TMEM132D: variants seen among roughly 807,000 people sequenced by gnomAD.
The protein encoded by TMEM132D is mature OL transmembrane protein.
A neutral mutation model predicts 62.3 loss-of-function variants in TMEM132D; 21 were observed. The observed-to-expected ratio is 0.34, with a 90% CI of 0.24 to 0.49. TMEM132D has a LOEUF of 0.49. TMEM132D is among the 20% of genes least tolerant of loss of function. The pLI is 0.99. For synonymous variants in TMEM132D, 621 were observed against 575.6 expected (o/e 1.08, Z -1.13); for missense variants, 1,346 against 1,402.8 (o/e 0.96, Z 0.65).
chr12:129,363,368 T>G (rs1870310915), intron 3 of TMEM132D, among the ~76,000 whole-genome samples: 1 of 152,210 alleles, frequency 6.6e-6, no homozygotes. Context: ...CCATTTTCCT[T>G]ATGTAGCCAC....
At chr12:129,782,795 A>T (rs1762009124) in intron 1 of TMEM132D, among the ~76,000 whole-genome samples, 1 of 152,250 alleles carries the variant, frequency 6.6e-6, no homozygotes, top group South Asian at 2.1e-4. Context: ...CAGGTAAGTC[A>T]CACAGGTGTA....
At chr12:129,566,530 G>C (rs1338500543) in intron 2 of TMEM132D, among the ~76,000 whole-genome samples, 1 of 152,152 alleles carries the variant, frequency 6.6e-6, no homozygotes, top group Non-Finnish European at 1.5e-5. Context: ...CTGTAAGACT[G>C]ACAAAACAGA....
At chr12:129,562,351 G>C (rs986326) in intron 2 of TMEM132D, among the ~76,000 whole-genome samples, 1 of 152,134 alleles carries the variant, frequency 6.6e-6, no homozygotes, top group Non-Finnish European at 1.5e-5. Flanking sequence ...TGCAGACCAA[G>C]TTACCCAGCT....
At chr12:129,612,723 C>T (rs1479083447) in intron 2 of TMEM132D, among the ~76,000 whole-genome samples, 1 of 51,328 alleles carries the variant, frequency 1.9e-5, no homozygotes, top group African/African-American at 4.6e-5. Flanking sequence ...GTTAATTTGG[C>T]CCCAGGCAAC....
chr12:129,294,068 T>C (rs893623610), intron 4 of TMEM132D, among the ~76,000 whole-genome samples: 1 of 152,232 alleles, frequency 6.6e-6, no homozygotes, highest in African/African-American at 2.4e-5. Flanking sequence ...TATAAAACTA[T>C]TTATCTTGCA....
intron 3 of TMEM132D, among the ~76,000 whole-genome samples, chr12:129,482,540 G>A (rs1250812332): frequency 6.6e-6 from 1 of 152,176 alleles, no homozygotes; most frequent in African/African-American, 2.4e-5. Context: ...ATATTAGGAA[G>A]GTGGGATGAG....
chr12:129,077,734 G>GCAATGCATA (rs1874316996), intron 8 of TMEM132D, among the ~76,000 whole-genome samples: 1 of 151,730 alleles, frequency 6.6e-6, no homozygotes, highest in Non-Finnish European at 1.5e-5. Flanking sequence ...ATAGACACAT[G>GCAATGCATA]CAATGCATAC....
At chr12:129,569,325 G>T (rs1877450021) in intron 2 of TMEM132D, among the ~76,000 whole-genome samples, 1 of 152,054 alleles carries the variant, frequency 6.6e-6, no homozygotes, top group African/African-American at 2.4e-5. Context: ...GGTAAACTTG[G>T]ATATCTGGGG....
At chr12:129,711,404 C>A (rs938985669) in intron 1 of TMEM132D, among the ~76,000 whole-genome samples, 1 of 152,196 alleles carries the variant, frequency 6.6e-6, no homozygotes, top group Non-Finnish European at 1.5e-5. Context: ...AAGCACTCAG[C>A]CTGCTCAAAT....
Position 129,366,272 on chromosome 12 carries a change from G to T in TMEM132D, c.1116-28455C>A, listed in dbSNP as rs571657246. Among the ~76,000 whole-genome samples the T allele has an allele frequency of 2.6e-5, 4 of 152,302 alleles. No individual in the cohort carries two copies. The East Asian group carries it at 7.7e-4, about 29-fold the overall frequency. On this transcript the variant is annotated intron_variant, in intron 3 of 8. Coordinates refer to ENST00000422113, the MANE Select transcript of TMEM132D (RefSeq NM_133448.3). ...CTTCAATGTTGGAGGTGGGTCTGGT[G>T]AGAGGTGATTGGATCATAGGGGTGG...
intron 5 of TMEM132D, among the ~76,000 whole-genome samples, chr12:129,205,590 A>G (rs1878822125): frequency 6.6e-6 from 1 of 152,178 alleles, no homozygotes; most frequent in African/African-American, 2.4e-5. Flanking sequence ...TCCCATTGAC[A>G]GTATTAGACA....
At chr12:129,086,703 CTT>C (rs1491323473) in intron 5 of TMEM132D, among the ~76,000 whole-genome samples, 30 of 147,962 alleles carry the variant, frequency 2.0e-4, no homozygotes, top group Middle Eastern at 3.6e-3. Context: ...TATATACAAA[CTT>C]ATATATACAA....
At chr12:129,628,140 A>C (rs535369115) in intron 2 of TMEM132D, among the ~76,000 whole-genome samples, 2 of 151,996 alleles carry the variant, frequency 1.3e-5, no homozygotes, top group African/African-American at 4.9e-5. Context: ...AATGAGAGAA[A>C]ATTTCAATAA....
At chr12:129,179,714 T>C (rs11608365) in intron 5 of TMEM132D, among the ~76,000 whole-genome samples, 38,653 of 152,086 alleles carry the variant, frequency 0.25, 6,166 homozygotes, top group East Asian at 0.53. Flanking sequence ...TGACAGCTTT[T>C]ATGTTGTCAC....
chr12:129,378,727 A>G (rs898254220), intron 3 of TMEM132D, among the ~76,000 whole-genome samples: 2 of 152,186 alleles, frequency 1.3e-5, no homozygotes, highest in African/African-American at 4.8e-5. Context: ...AGCTCGGTGA[A>G]CTGTGGCAGA....
chr12:129,782,854 T>C (rs1871158962), intron 1 of TMEM132D, among the ~76,000 whole-genome samples: 4 of 147,888 alleles, frequency 2.7e-5, no homozygotes, highest in Admixed American at 2.7e-4. Flanking sequence ...CCTCGAGGCG[T>C]AGGAGGCAGA....
chr12:129,810,602 C>T (rs117739439), intron 1 of TMEM132D, among the ~76,000 whole-genome samples: 2,822 of 151,714 alleles, frequency 0.019, 34 homozygotes, highest in Non-Finnish European at 0.03. Context: ...CTGTGCCTTA[C>T]CATACAGAAA....
chr12:129,242,312 A>G (rs1342259401), intron 4 of TMEM132D, among the ~76,000 whole-genome samples: 1 of 152,362 alleles, frequency 6.6e-6, no homozygotes, highest in East Asian at 1.9e-4. Context: ...TTATTTTGAC[A>G]TTTATGCACA....
At chr12:129,077,492 G>A (rs875729) in intron 8 of TMEM132D, among the ~76,000 whole-genome samples, 71,682 of 151,932 alleles carry the variant, frequency 0.47, 17,802 homozygotes, top group Non-Finnish European at 0.54. Flanking sequence ...ACATTCAAAG[G>A]TCCCCTATAA....
Sources: allele counts gnomAD v4.1 joint callset (sites outside exome capture counted in the v4.1 genomes callset), GRCh38; gene constraint gnomAD v4.1.1; transcripts MANE v1.5; gene names NCBI Gene and HGNC (gene_info 2026-07-23, HGNC 2026-07-21).